The following ADCK1 variants were observed in gnomAD, a reference collection of about 807,000 sequenced individuals.
ADCK1 encodes aarF domain containing kinase 1, also known as aarF domain-containing protein kinase 1.
Under a neutral mutation model 52.3 loss-of-function variants are expected in ADCK1, and 41 were observed. The ratio of observed to expected loss-of-function variants is 0.78; its 90% CI spans 0.61 to 1.02. The LOEUF is 1.02. Among genes scored for constraint, ADCK1 ranks in the 50% least tolerant of loss-of-function variants. The pLI, the probability that ADCK1 is intolerant of heterozygous loss-of-function variation, is 0.00. For missense variants in ADCK1, 658 were observed against 679.5 expected, an observed-to-expected ratio of 0.97 and a Z score of 0.35; for synonymous variants, 250 against 274.6, an observed-to-expected ratio of 0.91 and a Z score of 0.89.
At chr14:77,851,678 T>C in intron 3 of ADCK1, among the ~76,000 whole-genome samples, 2 of 152,206 alleles carry the variant, frequency 1.3e-5, no homozygotes. Flanking sequence ...AGTATACATC[T>C]TGTCAGTCTA....
At chr14:77,913,575 G>A (rs1359221299) in intron 7 of ADCK1, among the ~76,000 whole-genome samples, 6 of 152,192 alleles carry the variant, frequency 3.9e-5, no homozygotes, top group African/African-American at 1.4e-4. Context: ...GCTGGGTGGC[G>A]CCTCCCCAAG....
chr14:77,832,006 C>T (rs1315005375), intron 3 of ADCK1, among the ~76,000 whole-genome samples: 8 of 149,326 alleles, frequency 5.4e-5, no homozygotes, highest in African/African-American at 1.2e-4. Flanking sequence ...GAGACGGAGT[C>T]TCACTGTATC....
At chr14:77,906,639 A>C (rs1200694081) in intron 6 of ADCK1, among the ~76,000 whole-genome samples, 4 of 152,222 alleles carry the variant, frequency 2.6e-5, no homozygotes, top group East Asian at 1.9e-4. Context: ...TTGGTGGTTT[A>C]ACAGTACCAG....
intron 5 of ADCK1, among the ~76,000 whole-genome samples, chr14:77,894,099 C>T (rs564328432): frequency 6.6e-6 from 1 of 152,286 alleles, no homozygotes; most frequent in African/African-American, 2.4e-5. Flanking sequence ...TATGTCGGCA[C>T]AGAATCCAAC....
intron 4 of ADCK1, among the ~76,000 whole-genome samples, chr14:77,871,184 T>C (rs1107991): frequency 0.53 from 80,666 of 151,996 alleles, 21,641 homozygotes; most frequent in South Asian, 0.63. Flanking sequence ...GAAGTGGGGA[T>C]GTGGTTCAGG....
intron 6 of ADCK1, among the ~76,000 whole-genome samples, chr14:77,901,763 A>G (rs2083552024): frequency 6.6e-6 from 1 of 152,172 alleles, no homozygotes; most frequent in African/African-American, 2.4e-5. Context: ...TGTATGCTAC[A>G]CCACTGTTCT....
intron 5 of ADCK1, among the ~76,000 whole-genome samples, chr14:77,895,632 C>A (rs2083392463): frequency 6.6e-6 from 1 of 152,144 alleles, no homozygotes; most frequent in Non-Finnish European, 1.5e-5. Context: ...TTAAGGTGGG[C>A]TAAGTAGATT....
chr14:77,879,714 A>C (rs1309119539), intron 4 of ADCK1, among the ~76,000 whole-genome samples: 1 of 152,182 alleles, frequency 6.6e-6, no homozygotes, highest in African/African-American at 2.4e-5. Context: ...TGGAAGAGAT[A>C]GGGCAGGCTG....
chr14:77,844,659 C>T (rs1355526568), intron 3 of ADCK1, among the ~76,000 whole-genome samples: 2 of 152,134 alleles, frequency 1.3e-5, no homozygotes, highest in African/African-American at 4.8e-5. Context: ...GAGCTGACCA[C>T]ATAGATGATG....
chr14:77,910,271 A>T (rs1174507114), intron 7 of ADCK1, among the ~76,000 whole-genome samples: 1 of 152,048 alleles, frequency 6.6e-6, no homozygotes, highest in African/African-American at 2.4e-5. Context: ...TGAGAAAAAG[A>T]GTTCATCCTT....
chr14:77,877,282 C>G (rs577879217), intron 4 of ADCK1, among the ~76,000 whole-genome samples: 83 of 152,342 alleles, frequency 5.4e-4, no homozygotes, highest in Middle Eastern at 3.4e-3. Flanking sequence ...AGCATCATAG[C>G]TTAGGCACAT....
intron 1 of ADCK1, among the ~76,000 whole-genome samples, chr14:77,807,038 C>CTT (rs770430499): frequency 2.4e-4 from 24 of 99,132 alleles, no homozygotes; most frequent in Admixed American, 4.6e-4. Flanking sequence ...CTCTCTCTCT[C>CTT]TTTTTTTTTT....
chr14:77,887,105 C>T lies in ADCK1; in HGVS notation c.438C>T (p.Phe146=), dbSNP rs1418923931. The part of the protein sequence containing the change: ...EDLGKEIHDL[F]QSFDDTPLGT... The stretch of plus-strand genomic sequence containing the variant: ...ACTCCCGACAGATCCATGATTTGTT[C>T]CAGAGCTTCGATGACACCCCTCTGG... The change falls in exon 5 of 11, where the codon TTC becomes TTT. Residue 146 remains phenylalanine (F), a synonymous_variant. Coordinates refer to ENST00000238561, the MANE Select transcript of ADCK1 (RefSeq NM_020421.4). 2 of 1,591,974 alleles carry T rather than the reference C, an allele frequency of 1.3e-6. No individual in the cohort carries two copies. The highest frequency in any genetic ancestry group is 1.8e-5 in the Admixed American group (1 of 56,858).
chr14:77,891,845 A>G (rs2083290532), intron 5 of ADCK1, among the ~76,000 whole-genome samples: 1 of 152,166 alleles, frequency 6.6e-6, no homozygotes, highest in African/African-American at 2.4e-5. Flanking sequence ...CTGGTACAAA[A>G]CCAAGAAGGG....
intron 3 of ADCK1, among the ~76,000 whole-genome samples, chr14:77,850,638 C>A (rs1297645399): frequency 7.1e-6 from 1 of 141,788 alleles, no homozygotes; most frequent in African/African-American, 2.6e-5. Context: ...TTAGCATTGG[C>A]ATGATATATC....
intron 1 of ADCK1, among the ~76,000 whole-genome samples, chr14:77,812,370 G>A (rs1424434197): frequency 6.6e-6 from 1 of 151,628 alleles, no homozygotes; most frequent in Non-Finnish European, 1.5e-5. Flanking sequence ...ACCTAAGAGT[G>A]AGATCATGCA....
At chr14:77,824,436 C>CTTTTTTTT (rs755099441) in intron 3 of ADCK1, among the ~76,000 whole-genome samples, 2 of 133,956 alleles carry the variant, frequency 1.5e-5, no homozygotes, top group Admixed American at 7.5e-5. Context: ...TTCTTTCTTT[C>CTTTTTTTT]TTTTTTTTTT....
At chr14:77,863,984 G>A (rs1335620116) in intron 4 of ADCK1, among the ~76,000 whole-genome samples, 1 of 152,154 alleles carries the variant, frequency 6.6e-6, no homozygotes, top group Non-Finnish European at 1.5e-5. Flanking sequence ...TCTGTTAGGG[G>A]CAATGCTTAT....
chr14:77,908,769 CT>C (rs1473876051), intron 7 of ADCK1, among the ~76,000 whole-genome samples: 12 of 152,166 alleles, frequency 7.9e-5, no homozygotes, highest in Non-Finnish European at 1.8e-4. Context: ...GTCCCCAGAG[CT>C]TAGCATCAGA....
Sources: gnomAD v4.1 joint callset for allele counts (sites outside exome capture counted in the v4.1 genomes callset) on GRCh38, gnomAD v4.1.1 for gene constraint, MANE v1.5 for transcripts, NCBI Gene and HGNC (gene_info 2026-07-23, HGNC 2026-07-21) for gene names.